SCN2A: variants seen among roughly 807,000 people sequenced by gnomAD.
SCN2A encodes sodium voltage-gated channel alpha subunit 2, also known as sodium channel protein type 2 subunit alpha.
In SCN2A, 20 loss-of-function variants were observed where a neutral mutation model predicts 188.7. The observed-to-expected ratio is 0.11, with a 90% confidence interval of 0.07 to 0.15. SCN2A has a LOEUF of 0.15. Ranked by LOEUF, SCN2A falls within the 10% of genes least tolerant of loss-of-function variation. SCN2A has a pLI of 1.00. For missense variants in SCN2A, 1,278 were observed against 2,445.0 expected, an observed-to-expected ratio of 0.52 and a Z score of 10.07; for synonymous variants, 804 against 833.1, an observed-to-expected ratio of 0.97 and a Z score of 0.60.
chr2:165,285,616 CTG>C, intron 1 of SCN2A: 1 of 250,544 alleles, frequency 4.0e-6, no homozygotes. Context: ...GACTATAACC[CTG>C]TGGCTGCCGG....
At chr2:165,387,474 T>C (rs533436463) in intron 26 of SCN2A, among the ~76,000 whole-genome samples, 2 of 152,150 alleles carry the variant, frequency 1.3e-5, no homozygotes, top group Non-Finnish European at 2.9e-5. Context: ...ATAACACATA[T>C]ATAAGTTTCA....
intron 1 of SCN2A, chr2:165,269,075 T>C (rs1694996834): frequency 6.6e-6 from 1 of 152,084 alleles, no homozygotes; most frequent in Non-Finnish European, 1.5e-5. Context: ...TCTGGATATC[T>C]ATTGTACTAT....
chr2:165,239,524 C>A lies in SCN2A; in HGVS notation c.-168C>A. 4.1e-6 allele frequency: 2 copies of A among 482,038 alleles called. No homozygotes were observed. Among genetic ancestry groups the A allele is most frequent in the Non-Finnish European group, 5.4e-6 (2 of 370,366 alleles). The allele number at this position is 482,038 out of a possible 1,614,324, so 29.9% of individuals were successfully genotyped here. On this transcript the variant is annotated 5_prime_UTR_variant, in exon 1 of 27. Transcript: ENST00000375437. The stretch of plus-strand genomic sequence containing the variant: ...TTTTTCTTCTTTAATGAGGATAGAG[C>A]ACATGTGAGATTTTACTTTCTACTC...
intron 1 of SCN2A, chr2:165,293,712 TAAAAAGCATGAG>T (rs1559342255): frequency 2.3e-6 from 1 of 425,570 alleles, no homozygotes; most frequent in Non-Finnish European, 3.1e-6. Flanking sequence ...ACATAGCAAA[TAAAAAGCATGAG>T]GAGAAGCATT....
chr2:165,316,340 A>T (rs1466735701), intron 11 of SCN2A, among the ~76,000 whole-genome samples: 1 of 152,034 alleles, frequency 6.6e-6, no homozygotes, highest in East Asian at 1.9e-4. Context: ...TCTGTGTTTC[A>T]TGTTAAACAT....
chr2:165,304,820 A>G (rs1255977087), intron 3 of SCN2A, among the ~76,000 whole-genome samples: 1 of 152,210 alleles, frequency 6.6e-6, no homozygotes, highest in Non-Finnish European at 1.5e-5. Context: ...AAACTGGAGA[A>G]GTAGACAGGG....
intron 23 of SCN2A, 125 bp downstream of exon 23, chr2:165,377,775 A>T: frequency 1.4e-6 from 1 of 702,146 alleles, no homozygotes; most frequent in Non-Finnish European, 2.3e-6. Flanking sequence ...TCTATATTAT[A>T]AGGATAAAAT....
At chr2:165,367,487 A>C (rs1184862917) in intron 19 of SCN2A, 116 bp downstream of exon 19, 67 of 1,184,758 alleles carry the variant, frequency 5.7e-5, no homozygotes, top group Non-Finnish European at 8.3e-5. Context: ...GAGAAGAAAT[A>C]TGTGTGACGT....
intron 8 of SCN2A, among the ~76,000 whole-genome samples, chr2:165,313,316 C>G (rs948709535): frequency 6.6e-6 from 1 of 152,062 alleles, no homozygotes; most frequent in African/African-American, 2.4e-5. Context: ...TCCTTACAGA[C>G]TTTTTTAACT....
intron 22 of SCN2A, among the ~76,000 whole-genome samples, chr2:165,376,204 A>G (rs191600227): frequency 5.3e-5 from 8 of 152,002 alleles, no homozygotes; most frequent in Admixed American, 3.9e-4. Flanking sequence ...CTCATCAGAA[A>G]AAAATAAGTA....
chr2:165,340,659 G>A (rs1170528420), intron 14 of SCN2A, among the ~76,000 whole-genome samples: 1 of 152,094 alleles, frequency 6.6e-6, no homozygotes, highest in African/African-American at 2.4e-5. Flanking sequence ...ATTATAAAAG[G>A]AAAACTAAAG....
chr2:165,331,600 G>T, intron 14 of SCN2A, 32 bp downstream of exon 14: 1 of 1,528,190 alleles, frequency 6.5e-7, no homozygotes, highest in South Asian at 1.1e-5. Context: ...TCTTCCTCTT[G>T]AAAGAGTTTA....
At chr2:165,373,160 C>T in intron 20 of SCN2A, 65 bp from the exon 21 acceptor site, 1 of 1,553,066 alleles carries the variant, frequency 6.4e-7, no homozygotes, top group Non-Finnish European at 8.9e-7. Context: ...TTGCATAGAG[C>T]AAGGCTGAAC....
chr2:165,258,172 A>G (rs1694414793), intron 1 of SCN2A, among the ~76,000 whole-genome samples: 1 of 152,130 alleles, frequency 6.6e-6, no homozygotes, highest in African/African-American at 2.4e-5. Flanking sequence ...AAATTTAATT[A>G]CATCCTATTT....
chr2:165,297,834 A>T (rs1696591734), intron 3 of SCN2A, among the ~76,000 whole-genome samples: 1 of 151,958 alleles, frequency 6.6e-6, no homozygotes, highest in Non-Finnish European at 1.5e-5. Context: ...TTCTCATTTT[A>T]TTTTTTATAC....
At position 165,291,520 on chromosome 2, in the gene SCN2A, CT is replaced by C. The variant is rs1559340523; in HGVS notation, c.-51-4250del. On this transcript the variant is annotated intron_variant, in intron 1 of 26. Transcript: ENST00000375437. ...CTTTCTTTCTTTCTTTCTTCCTCTCCTTTCTTTCCTTCCTTCCTTCCTTCCT... is the reference window on the plus strand; with the variant it reads ...CTTTCTTTCTTTCTTTCTTCCTCTCCTTCTTTCCTTCCTTCCTTCCTTCCT... 1.3e-4 allele frequency among the ~76,000 whole-genome samples: 9 copies of C among 67,980 alleles called. 1 individual carries two copies. Among genetic ancestry groups the C allele is most frequent in the African/African-American group, 4.3e-4 (9 of 21,120 alleles). The allele number at this position is 67,980 out of a possible 152,430, so 44.6% of individuals were successfully genotyped here.
chr2:165,356,475 C>T (rs904321792), intron 17 of SCN2A, among the ~76,000 whole-genome samples: 3 of 152,036 alleles, frequency 2.0e-5, no homozygotes, highest in East Asian at 1.9e-4. Flanking sequence ...AAATAGAATT[C>T]GGTCATTTGA....
chr2:165,374,804 C>T lies in SCN2A; in HGVS notation c.4092C>T (p.Tyr1364=), dbSNP rs773120634. ...TGAATCTCTTTGCTGGCAAGTTTTA[C>T]CATTGTATTAATTACACCACTGGAG... ...MGVNLFAGKF[Y]HCINYTTGEM... is the part of the protein sequence containing the mutation. The change falls in exon 22 of 27, where the codon TAC becomes TAT. Residue 1364 remains tyrosine (Y), a synonymous_variant. Transcript: ENST00000375437. 1.9e-6 allele frequency: 3 copies of T among 1,613,378 alleles called. No homozygotes were observed. The highest frequency in any genetic ancestry group is 2.5e-6 in the Non-Finnish European group (3 of 1,179,666).
chr2:165,242,634 T>G (rs555636720), intron 1 of SCN2A, among the ~76,000 whole-genome samples: 5 of 152,286 alleles, frequency 3.3e-5, no homozygotes, highest in Admixed American at 1.3e-4. Flanking sequence ...GTAGGAGAGA[T>G]AACATTTTAT....
Sources: allele counts gnomAD v4.1 joint callset (sites outside exome capture counted in the v4.1 genomes callset), GRCh38; gene constraint gnomAD v4.1.1; transcripts MANE v1.5; gene names NCBI Gene and HGNC (gene_info 2026-07-23, HGNC 2026-07-21).